LGMN: variants seen among roughly 807,000 people sequenced by gnomAD.
LGMN encodes asparaginyl endopeptidase.
In LGMN, 36 loss-of-function variants were observed where a neutral mutation model predicts 56.8. The observed-to-expected ratio is 0.63, with a 90% CI of 0.49 to 0.84. The LOEUF is 0.84. Among genes scored for constraint, LGMN ranks in the 40% least tolerant of loss-of-function variants. LGMN has a pLI of 0.00. For synonymous variants in LGMN, 199 were observed against 210.1 expected (o/e 0.95, Z 0.46); for missense variants, 446 against 556.1 (o/e 0.80, Z 1.99).
intron 1 of LGMN, among the ~76,000 whole-genome samples, chr14:92,740,244 G>T (rs908452493): frequency 6.6e-6 from 1 of 152,088 alleles, no homozygotes; most frequent in Non-Finnish European, 1.5e-5. Flanking sequence ...GCAAAACTCC[G>T]TCTCAAAAAA....
chr14:92,719,123 C>T (rs550175578), intron 2 of LGMN, among the ~76,000 whole-genome samples: 2 of 150,718 alleles, frequency 1.3e-5, no homozygotes, highest in Non-Finnish European at 3.0e-5. Flanking sequence ...CACCCCACCA[C>T]CACAACCACC....
chr14:92,705,825 A>G (rs1308442009), intron 12 of LGMN, among the ~76,000 whole-genome samples: 1 of 152,084 alleles, frequency 6.6e-6, no homozygotes, highest in African/African-American at 2.4e-5. Context: ...ATGAGGTCTT[A>G]CCATGTTGGC....
intron 2 of LGMN, among the ~76,000 whole-genome samples, chr14:92,724,507 A>C (rs1890649297): frequency 6.6e-6 from 1 of 152,244 alleles, no homozygotes; most frequent in African/African-American, 2.4e-5. Context: ...AACTCAAACA[A>C]TGTGAAAATG....
At chr14:92,734,643 A>C (rs369528662) in intron 1 of LGMN, among the ~76,000 whole-genome samples, 12 of 147,638 alleles carry the variant, frequency 8.1e-5, no homozygotes, top group African/African-American at 2.9e-4. Flanking sequence ...CCGTCTCAAA[A>C]AAGAAAAAAA....
intron 10 of LGMN, 61 bp from the exon 11 acceptor site, chr14:92,709,933 A>AGAGAGAGAGG: frequency 7.3e-7 from 1 of 1,366,286 alleles, no homozygotes; most frequent in Non-Finnish European, 1.0e-6. Context: ...AGAGAAGGCC[A>AGAGAGAGAGG]GAGAGAGAGG....
intron 4 of LGMN, among the ~76,000 whole-genome samples, chr14:92,716,585 A>C (rs1890088636): frequency 1.3e-5 from 2 of 152,206 alleles, no homozygotes; most frequent in African/African-American, 4.8e-5. Flanking sequence ...GTGAGCCAAG[A>C]TTGTGCCACT....
intron 5 of LGMN, 98 bp downstream of exon 5, chr14:92,716,038 G>A: frequency 1.3e-6 from 1 of 785,330 alleles, no homozygotes; most frequent in South Asian, 1.7e-5. Context: ...TTTCTCACAG[G>A]TAAACAGGCT....
chr14:92,725,790 G>C (rs1890712924), intron 2 of LGMN, among the ~76,000 whole-genome samples: 1 of 151,830 alleles, frequency 6.6e-6, no homozygotes, highest in Admixed American at 6.6e-5. Context: ...GGCCAGGCTG[G>C]TCTCAAACTC....
rs767941507 is a variant in LGMN, at chr14:92,718,812, G to T, written c.171C>A (p.His57Gln). ...ADACHAYQII[H>Q]RNGIPDEQIV... The stretch of plus-strand genomic sequence containing the variant: ...TCTGTTCGTCAGGAATCCCATTGCG[G>T]TGAATGATCTGGTAGGCATGGCACG... The change falls in exon 3 of 14, where the codon CAC becomes CAA. Residue 57 changes from histidine to glutamine, a missense_variant. Transcript: ENST00000334869. 6.2e-7 allele frequency: 1 copy of T among 1,613,314 alleles called. No homozygotes were observed. Among genetic ancestry groups the T allele is most frequent in the Non-Finnish European group, 8.5e-7 (1 of 1,179,464 alleles).
intron 5 of LGMN, among the ~76,000 whole-genome samples, chr14:92,715,231 G>GTGTGTGTGTGTGTA (rs1158410762): frequency 6.6e-6 from 1 of 151,124 alleles, no homozygotes; most frequent in African/African-American, 2.4e-5. Flanking sequence ...GTGTGTGTGT[G>GTGTGTGTGTGTGTA]TGTTTGAGAC....
At chr14:92,724,804 G>T (rs1163349129) in intron 2 of LGMN, among the ~76,000 whole-genome samples, 1 of 152,196 alleles carries the variant, frequency 6.6e-6, no homozygotes, top group Non-Finnish European at 1.5e-5. Flanking sequence ...TTGGCCAGCT[G>T]TCAGCTAAAC....
intron 11 of LGMN, among the ~76,000 whole-genome samples, chr14:92,709,284 C>G (rs113268837): frequency 0.022 from 3,401 of 152,028 alleles, 128 homozygotes; most frequent in African/African-American, 0.078. Context: ...GGACTAGAGG[C>G]GCACGCCACC....
At chr14:92,704,826 T>C in intron 12 of LGMN, 119 bp from the exon 13 acceptor site, 12 of 797,612 alleles carry the variant, frequency 1.5e-5, no homozygotes, top group South Asian at 1.4e-4. Context: ...TTTTGGTTCA[T>C]GGATCCTTTC....
At chr14:92,719,233 A>C (rs1434113811) in intron 2 of LGMN, among the ~76,000 whole-genome samples, 1 of 39,630 alleles carries the variant, frequency 2.5e-5, no homozygotes. Flanking sequence ...CACCACCGCC[A>C]CCGCCACCAC....
intron 1 of LGMN, among the ~76,000 whole-genome samples, chr14:92,742,517 C>A (rs1182761851): frequency 6.6e-6 from 1 of 151,994 alleles, no homozygotes; most frequent in Non-Finnish European, 1.5e-5. Flanking sequence ...GAGTTCCTGG[C>A]CTCAAGTGAT....
chr14:92,728,810 G>A (rs1890873695), intron 2 of LGMN, among the ~76,000 whole-genome samples: 1 of 152,206 alleles, frequency 6.6e-6, no homozygotes. Flanking sequence ...TGTGACCTTA[G>A]ATAAGTTACC....
At chr14:92,724,851 G>A (rs534707690) in intron 2 of LGMN, among the ~76,000 whole-genome samples, 2 of 152,294 alleles carry the variant, frequency 1.3e-5, no homozygotes, top group East Asian at 3.9e-4. Context: ...ACATTGGCGT[G>A]CCCCATGTCA....
At chr14:92,740,549 A>G (rs1891500742) in intron 1 of LGMN, among the ~76,000 whole-genome samples, 1 of 152,158 alleles carries the variant, frequency 6.6e-6, no homozygotes, top group Non-Finnish European at 1.5e-5. Flanking sequence ...ACAAAGAAAG[A>G]GTTGCTTATG....
intron 1 of LGMN, among the ~76,000 whole-genome samples, chr14:92,740,427 G>A (rs948526385): frequency 2.6e-5 from 4 of 152,230 alleles, no homozygotes; most frequent in African/African-American, 4.8e-5. Context: ...AGACAGGTGA[G>A]AAAACTGAGG....
Sources: gnomAD v4.1 joint callset for allele counts (sites outside exome capture counted in the v4.1 genomes callset) on GRCh38, gnomAD v4.1.1 for gene constraint, MANE v1.5 for transcripts, NCBI Gene and HGNC (gene_info 2026-07-23, HGNC 2026-07-21) for gene names.